The following PDE4D variants were observed in gnomAD, a reference collection of about 807,000 sequenced individuals.
PDE4D encodes 3',5'-cyclic-AMP phosphodiesterase 4D.
PDE4D carries 24 observed loss-of-function variants against 87.4 expected under a neutral mutation model. The ratio of observed to expected loss-of-function variants is 0.27; its 90% CI spans 0.20 to 0.39. PDE4D has a LOEUF of 0.39. Ranked by LOEUF, PDE4D falls within the 10% of genes least tolerant of loss-of-function variation. The pLI, the probability that PDE4D is intolerant of heterozygous loss-of-function variation, is 1.00. For synonymous variants in PDE4D, 384 were observed against 383.2 expected (o/e 1.00, Z -0.02); for missense variants, 714 against 1,041.0 (o/e 0.69, Z 4.32).
At chr5:60,510,366 C>A (rs768451224) in intron 1 of PDE4D, among the ~76,000 whole-genome samples, 1 of 152,048 alleles carries the variant, frequency 6.6e-6, no homozygotes, top group Non-Finnish European at 1.5e-5. Flanking sequence ...CTTTCTATAC[C>A]TAGTCTCCCT....
chr5:58,979,154 A>C (rs920284343), intron 11 of PDE4D, among the ~76,000 whole-genome samples: 4 of 152,194 alleles, frequency 2.6e-5, no homozygotes, highest in African/African-American at 9.6e-5. Context: ...TTCAAGGAAA[A>C]GGGTGATCTG....
chr5:59,574,542 T>C (rs1822801330), intron 1 of PDE4D, among the ~76,000 whole-genome samples: 1 of 152,188 alleles, frequency 6.6e-6, no homozygotes. Context: ...GCATCAGAGT[T>C]GAATTTGAAC....
intron 1 of PDE4D, among the ~76,000 whole-genome samples, chr5:59,788,699 C>A (rs1765446565): frequency 6.6e-6 from 1 of 152,102 alleles, no homozygotes; most frequent in Non-Finnish European, 1.5e-5. Flanking sequence ...TTAGAACTCC[C>A]AGAAATAATG....
At chr5:59,054,377 A>G (rs1404278762) in intron 5 of PDE4D, among the ~76,000 whole-genome samples, 2 of 152,216 alleles carry the variant, frequency 1.3e-5, no homozygotes, top group Non-Finnish European at 2.9e-5. Flanking sequence ...GTTTAAAGTA[A>G]GAGGTGCTCA....
intron 2 of PDE4D, among the ~76,000 whole-genome samples, chr5:60,106,853 A>C (rs1428369844): frequency 1.3e-5 from 2 of 151,870 alleles, no homozygotes; most frequent in Non-Finnish European, 2.9e-5. Flanking sequence ...GGACACATTC[A>C]AAGCAGTGTG....
At chr5:59,609,399 C>CAT (rs1554041713) in intron 1 of PDE4D, among the ~76,000 whole-genome samples, 4 of 151,130 alleles carry the variant, frequency 2.6e-5, no homozygotes, top group East Asian at 1.9e-4. Context: ...CACACACACA[C>CAT]ATATATATAT....
chr5:60,494,624 G>A (rs1749715343), intron 1 of PDE4D, among the ~76,000 whole-genome samples: 1 of 152,148 alleles, frequency 6.6e-6, no homozygotes, highest in Non-Finnish European at 1.5e-5. Flanking sequence ...CCACAAAGGG[G>A]CCTAACCTCC....
chr5:60,466,179 T>C (rs1479272188), intron 1 of PDE4D, among the ~76,000 whole-genome samples: 2 of 152,156 alleles, frequency 1.3e-5, no homozygotes, highest in Non-Finnish European at 2.9e-5. Flanking sequence ...AATGGAAGTA[T>C]TTGTCCACAA....
At chr5:59,776,192 C>G (rs1244041290) in intron 1 of PDE4D, among the ~76,000 whole-genome samples, 1 of 152,020 alleles carries the variant, frequency 6.6e-6, no homozygotes, top group Non-Finnish European at 1.5e-5. Context: ...ATTAGGGAAA[C>G]CAGAGTTGTA....
intron 1 of PDE4D, among the ~76,000 whole-genome samples, chr5:59,263,371 A>G (rs181971722): frequency 1.3e-5 from 2 of 152,030 alleles, no homozygotes; most frequent in Admixed American, 1.3e-4. Flanking sequence ...AGAGAAATGT[A>G]CAAGGTTTCA....
At chr5:59,774,528 T>G (rs1362497944) in intron 1 of PDE4D, among the ~76,000 whole-genome samples, 1 of 148,130 alleles carries the variant, frequency 6.8e-6, no homozygotes, top group African/African-American at 2.6e-5. Context: ...ATCAATTCAT[T>G]TTAATAAAAA....
intron 1 of PDE4D, among the ~76,000 whole-genome samples, chr5:59,577,238 C>T (rs6897538): frequency 0.044 from 6,768 of 152,130 alleles, 503 homozygotes; most frequent in African/African-American, 0.15. Flanking sequence ...TCAGCATTAA[C>T]GGGCATAACG....
In PDE4D at chr5:59,216,275, C is replaced by T. The variant is rs767280466; in HGVS notation, c.456-307G>A. Among the ~76,000 whole-genome samples, 9 of 152,120 alleles carry T rather than the reference C, an allele frequency of 5.9e-5. No individual in the cohort carries two copies. In the East Asian group the frequency reaches 7.7e-4, roughly 13 times the overall value. ...AATCTTCTAAGTACAAAATTCCTTT[C>T]GGAAAATAACAAATACACAGTAATT... On this transcript the variant is annotated intron_variant, in intron 1 of 14. Transcript: ENST00000340635.
chr5:60,334,799 T>A (rs1757602744), intron 1 of PDE4D, among the ~76,000 whole-genome samples: 1 of 152,108 alleles, frequency 6.6e-6, no homozygotes, highest in South Asian at 2.1e-4. Flanking sequence ...ACTCCCCAAA[T>A]AAGTATAAAG....
At chr5:59,692,764 T>C (rs1419999235) in intron 1 of PDE4D, among the ~76,000 whole-genome samples, 2 of 152,140 alleles carry the variant, frequency 1.3e-5, no homozygotes, top group Non-Finnish European at 2.9e-5. Context: ...TCTGGCATCA[T>C]GGAAATGATT....
chr5:59,524,641 G>A (rs539423644), intron 1 of PDE4D, among the ~76,000 whole-genome samples: 6 of 152,280 alleles, frequency 3.9e-5, no homozygotes, highest in African/African-American at 1.4e-4. Context: ...AGACAATGAG[G>A]AAAATGTCTC....
In PDE4D at chr5:58,975,846, T is replaced by C. The variant is rs766871489; in HGVS notation, c.1831-7A>G. On this transcript the variant is annotated splice_region_variant and splice_polypyrimidine_tract_variant and intron_variant, in intron 13 of 14. Transcript: ENST00000340635. The surrounding 1 kb of genome is among the most constrained non-coding windows in gnomAD (Gnocchi z 4.2). ...GCACCATATTCTGAAGAACCTAAAA[T>C]AGATGGATGCATTCTCTATTCACTC... The C allele has an allele frequency of 6.6e-5, 96 of 1,451,018 alleles. No homozygotes were observed. The highest frequency in any genetic ancestry group is 8.4e-5 in the Non-Finnish European group (92 of 1,095,366). 89.9% of individuals were successfully genotyped at this position (1,451,018 alleles called of 1,614,324 possible).
At position 59,595,816 on chromosome 5, in the gene PDE4D, A is replaced by T. The variant is rs890997135; in HGVS notation, c.455+297352T>A. Among the ~76,000 whole-genome samples the T allele has an allele frequency of 5.9e-5, 9 of 152,052 alleles. No homozygotes were observed. In the South Asian group the frequency reaches 1.9e-3, roughly 31 times the overall value. On this transcript the variant is annotated intron_variant, in intron 1 of 14. Transcript: ENST00000340635. Reference sequence around the variant, plus strand: ...TGTATATTTCTTTTTAAAAATCTTAAGTAGTATATCGCTGCATATACTACT... The same window carrying T: ...TGTATATTTCTTTTTAAAAATCTTATGTAGTATATCGCTGCATATACTACT...
intron 1 of PDE4D, chr5:59,430,210 T>G: frequency 8.5e-7 from 1 of 1,179,638 alleles, no homozygotes; most frequent in Non-Finnish European, 1.1e-6. Context: ...ACCCTCCCAT[T>G]TCAGCAGACA....
Sources: allele counts gnomAD v4.1 joint callset (sites outside exome capture counted in the v4.1 genomes callset), GRCh38; gene constraint gnomAD v4.1.1; non-coding constraint Gnocchi (gnomAD v3.1); transcripts MANE v1.5; gene names NCBI Gene and HGNC (gene_info 2026-07-23, HGNC 2026-07-21).